The following PHC2 variants were observed in gnomAD, a reference collection of about 807,000 sequenced individuals.
PHC2 encodes the protein polyhomeotic-like protein 2.
A neutral mutation model predicts 87.4 loss-of-function variants in PHC2; 29 were observed. That is an observed-to-expected ratio of 0.33 (90% CI 0.25 to 0.45). The LOEUF is 0.45. Ranked by LOEUF, PHC2 falls within the 20% of genes least tolerant of loss-of-function variation. The pLI is 1.00. For missense variants in PHC2, 857 were observed against 1,136.7 expected (o/e 0.75, Z 3.54); for synonymous variants, 438 against 461.7 (o/e 0.95, Z 0.66).
chr1:33,348,607 T>C (rs1223892460), intron 9 of PHC2, among the ~76,000 whole-genome samples: 1 of 152,068 alleles, frequency 6.6e-6, no homozygotes, highest in African/African-American at 2.4e-5. Flanking sequence ...GGACATATGA[T>C]GGATTTAGGT....
In PHC2 at chr1:33,324,892, G is replaced by A; in HGVS notation, c.2553C>T (p.Ala851=). The A allele has an allele frequency of 6.2e-7, 1 of 1,613,760 alleles. No individual in the cohort carries two copies. The highest frequency in any genetic ancestry group is 8.5e-7 in the Non-Finnish European group (1 of 1,179,758). ...AGGAGTCCTTGAGCATGCTGATGCG[G>A]GCGTAGATCTTCAGGGCGGGCCCCA... is the stretch of plus-strand genomic sequence containing the variant. ...IKLGPALKIY[A]RISMLKDS Residue 851 remains alanine, a synonymous_variant, in exon 15 of 15, where the codon GCC becomes GCT. Coordinates refer to ENST00000683057, the MANE Select transcript of PHC2 (RefSeq NM_001385109.1).
intron 7 of PHC2, among the ~76,000 whole-genome samples, chr1:33,366,238 C>T (rs1385981129): frequency 1.3e-5 from 2 of 152,210 alleles, no homozygotes; most frequent in East Asian, 1.9e-4. Context: ...GTGACCCTCT[C>T]TTTAATGCAA....
chr1:33,336,247 G>A (rs1470311773), intron 9 of PHC2, among the ~76,000 whole-genome samples: 3 of 151,930 alleles, frequency 2.0e-5, no homozygotes, highest in East Asian at 3.9e-4. Flanking sequence ...CCTCAGCCTC[G>A]CAAAGTGCTG....
intron 1 of PHC2, among the ~76,000 whole-genome samples, chr1:33,378,093 G>A (rs753106350): frequency 1.3e-5 from 2 of 152,216 alleles, no homozygotes; most frequent in Non-Finnish European, 2.9e-5. Flanking sequence ...TGAGCTGCAC[G>A]CAGTGCTGGG....
intron 3 of PHC2, among the ~76,000 whole-genome samples, chr1:33,371,427 GCCA>G (rs745637055): frequency 4.6e-5 from 7 of 151,856 alleles, no homozygotes; most frequent in Non-Finnish European, 8.8e-5. Flanking sequence ...ATCACACCCA[GCCA>G]CCACCATCAC....
chr1:33,409,150 T>C (rs945328671), intron 1 of PHC2, among the ~76,000 whole-genome samples: 10 of 152,238 alleles, frequency 6.6e-5, no homozygotes, highest in African/African-American at 2.4e-4. Flanking sequence ...TCTAGAGCCA[T>C]AGTATTTTAC....
intron 1 of PHC2, among the ~76,000 whole-genome samples, chr1:33,378,227 T>C (rs989246394): frequency 1.3e-5 from 2 of 152,192 alleles, no homozygotes; most frequent in Middle Eastern, 3.2e-3. Context: ...CACTTTATCT[T>C]ATGTTCTAGG....
chr1:33,401,497 G>C (rs1382325059), intron 1 of PHC2, among the ~76,000 whole-genome samples: 1 of 152,024 alleles, frequency 6.6e-6, no homozygotes, highest in Non-Finnish European at 1.5e-5. Flanking sequence ...CCCTATTCTT[G>C]ACCTCTAACT....
In PHC2 at chr1:33,332,859, A is replaced by C. The variant is rs921517952; in HGVS notation, c.1762-455T>G. On this transcript the variant is annotated intron_variant, in intron 10 of 14. Coordinates refer to ENST00000683057, the MANE Select transcript of PHC2 (RefSeq NM_001385109.1). This position sits in a 1 kb window ranked among gnomAD's most constrained non-coding sequence, Gnocchi z 4.2. The stretch of plus-strand genomic sequence containing the variant: ...CCACCTTACCCCAATGCCTGACCCA[A>C]GCCAGAGGTACAGGCCGCCACAGAG... Among the ~76,000 whole-genome samples the C allele has an allele frequency of 2.4e-4, 37 of 152,114 alleles. No homozygotes were observed. Among genetic ancestry groups the C allele is most frequent in the Admixed American group, 2.4e-3 (37 of 15,274 alleles).
At position 33,330,099 on chromosome 1, in the gene PHC2, G is replaced by A. The variant is rs369850251; in HGVS notation, c.2120C>T (p.Pro707Leu). Residue 707 changes from proline (P) to leucine (L), a missense_variant, in exon 13 of 15, where the codon CCA becomes CTA. Pro to Leu is a moderately conservative substitution (Grantham distance 98). Around this residue, in one of 3 missense-constraint regions of PHC2, gnomAD observed 832 missense variants for 1,081.8 expected, o/e 0.77. Transcript: ENST00000683057. ...CTTCTTGGTATCCTTGGTAAGTGGT[G>A]GCAGACTGGCTTTGCTGGCCCGACG... ...NRRRASKASL[P>L]PLTKDTKKQP... 187 of 1,613,980 alleles carry A rather than the reference G, an allele frequency of 1.2e-4. No homozygotes were observed. The highest frequency in any genetic ancestry group is 1.5e-4 in the Non-Finnish European group (176 of 1,180,012).
rs369590689 is a variant in PHC2 at position 33,350,966 on chromosome 1, CTCTCT to C, written c.1558+3430_1558+3434del. Among the ~76,000 whole-genome samples the C allele has an allele frequency of 4.2e-4, 64 of 152,352 alleles. No homozygotes were observed. In the East Asian group the frequency reaches 0.012, roughly 28 times the overall value. ...AACATGCCCACACTTTCCTGCCTCC[CTCTCT>C]TAAGTTCCACCAGTTCTTCCTGGAA... On this transcript the variant is annotated intron_variant, in intron 9 of 14. Coordinates refer to ENST00000683057, the MANE Select transcript of PHC2 (RefSeq NM_001385109.1).
At chr1:33,414,295 C>T (rs1650117383) in intron 1 of PHC2, among the ~76,000 whole-genome samples, 1 of 152,070 alleles carries the variant, frequency 6.6e-6, no homozygotes, top group South Asian at 2.1e-4. Context: ...ATTAGCCTCA[C>T]TTATTTTCAG....
chr1:33,345,684 T>C (rs1646832498), intron 9 of PHC2: 4 of 984,670 alleles, frequency 4.1e-6, no homozygotes, highest in Non-Finnish European at 4.8e-6. Flanking sequence ...TTCTTGACCA[T>C]GTCATTTATA....
intron 1 of PHC2, among the ~76,000 whole-genome samples, chr1:33,417,409 CAT>C (rs1220876780): frequency 1.3e-5 from 2 of 152,042 alleles, no homozygotes; most frequent in African/African-American, 2.4e-5. Context: ...AAAATAAAGA[CAT>C]ATATTGGCTA....
chr1:33,346,254 T>C, intron 9 of PHC2: 1 of 985,004 alleles, frequency 1.0e-6, no homozygotes, highest in South Asian at 4.7e-5. Context: ...GTGGGCAGGC[T>C]CAGAGGGGCA....
chr1:33,428,737 T>C (rs1251853224), intron 1 of PHC2, among the ~76,000 whole-genome samples: 2 of 152,194 alleles, frequency 1.3e-5, no homozygotes, highest in African/African-American at 4.8e-5. Context: ...AGAAGCCCAA[T>C]GCATGAGACA....
intron 1 of PHC2, among the ~76,000 whole-genome samples, chr1:33,392,364 T>G (rs1419114559): frequency 6.6e-6 from 1 of 152,200 alleles, no homozygotes; most frequent in Non-Finnish European, 1.5e-5. Flanking sequence ...TGCTTTTTTT[T>G]TCTGTTATGC....
intron 1 of PHC2, among the ~76,000 whole-genome samples, chr1:33,379,499 A>G (rs1252367301): frequency 1.5e-5 from 1 of 65,396 alleles, no homozygotes. Flanking sequence ...TCCTCCCACT[A>G]CCACCCCCAA....
At chr1:33,354,229 A>C (rs4653081) in intron 9 of PHC2, among the ~76,000 whole-genome samples, 172 bp downstream of exon 9, 109,115 of 152,092 alleles carry the variant, frequency 0.72, 39,906 homozygotes, top group African/African-American at 0.86. Context: ...CCGTGTCTCA[A>C]TTACTTTATC....
Sources: gnomAD v4.1 joint callset for allele counts (sites outside exome capture counted in the v4.1 genomes callset) on GRCh38, gnomAD v4.1.1 for gene constraint, gnomAD v4.1.1 regional missense constraint, Gnocchi (gnomAD v3.1) non-coding constraint, MANE v1.5 for transcripts, NCBI Gene and HGNC (gene_info 2026-07-23, HGNC 2026-07-21) for gene names.